ANGPTL2: variants seen among roughly 807,000 people sequenced by gnomAD.
The protein encoded by ANGPTL2 is angiopoietin like 2.
Under a neutral mutation model 52.8 loss-of-function variants are expected in ANGPTL2, and 25 were observed. That is an observed-to-expected ratio of 0.47 (90% CI 0.35 to 0.66). The LOEUF is 0.66. Among genes scored for constraint, ANGPTL2 ranks in the 30% least tolerant of loss-of-function variants. ANGPTL2 has a pLI of 0.01. For synonymous variants in ANGPTL2, 276 were observed against 277.4 expected (o/e 1.00, Z 0.05); for missense variants, 546 against 656.9 (o/e 0.83, Z 1.84).
In ANGPTL2 at chr9:127,118,750, A is replaced by G. The variant is rs115140337; in HGVS notation, c.-50+3565T>C. Among the ~76,000 whole-genome samples, 717 of 152,346 alleles carry G rather than the reference A, an allele frequency of 4.7e-3. 7 individuals are homozygous for G. The highest frequency in any genetic ancestry group is 0.016 in the African/African-American group (686 of 41,576). ...TGCTGGGCTGTGGGCTCTATGAAGCAGAGCCCCTCCCCCATCTGCCTGCTG... is the reference window on the plus strand; with the variant it reads ...TGCTGGGCTGTGGGCTCTATGAAGCGGAGCCCCTCCCCCATCTGCCTGCTG... On this transcript the variant is annotated intron_variant, in intron 1 of 4. Transcript: ENST00000373425.
At chr9:127,092,499 A>C (rs550841506) in intron 3 of ANGPTL2, among the ~76,000 whole-genome samples, 1 of 152,086 alleles carries the variant, frequency 6.6e-6, no homozygotes, top group Non-Finnish European at 1.5e-5. Flanking sequence ...AGTTACGGCC[A>C]CTAAAGTCTT....
At position 127,108,033 on chromosome 9, in the gene ANGPTL2, G is replaced by A; in HGVS notation, c.699C>T (p.Ile233=). ...TCTCGTTGGTAGAGATCTGGTTGATGATGCGGTTGTAGGTGGGTGGTTGGT... is the reference window on the plus strand; with the variant it reads ...TCTCGTTGGTAGAGATCTGGTTGATAATGCGGTTGTAGGTGGGTGGTTGGT... ...RVYQPPTYNR[I]INQISTNEIQ... Residue 233 remains isoleucine (I), a synonymous_variant, in exon 2 of 5, where the codon ATC becomes ATT. Coordinates refer to ENST00000373425, the MANE Select transcript of ANGPTL2 (RefSeq NM_012098.3). 1.9e-6 allele frequency: 3 copies of A among 1,609,738 alleles called. No individual in the cohort carries two copies. Among genetic ancestry groups the A allele is most frequent in the Admixed American group, 1.7e-5 (1 of 59,820 alleles).
chr9:127,110,427 A>G (rs1405173309), intron 1 of ANGPTL2, among the ~76,000 whole-genome samples: 2 of 152,078 alleles, frequency 1.3e-5, no homozygotes, highest in African/African-American at 2.4e-5. Context: ...TCTACTGTTG[A>G]GGGGACCCAA....
At chr9:127,111,716 A>G (rs1431992672) in intron 1 of ANGPTL2, among the ~76,000 whole-genome samples, 1 of 152,214 alleles carries the variant, frequency 6.6e-6, no homozygotes, top group Non-Finnish European at 1.5e-5. Context: ...CTTTTAAGGT[A>G]GATACTGTTG....
Position 127,108,518 on chromosome 9 carries a change from T to C in ANGPTL2, c.214A>G (p.Asn72Asp). The C allele has an allele frequency of 1.2e-6, 2 of 1,613,008 alleles. No individual in the cohort carries two copies. Among genetic ancestry groups the C allele is most frequent in the Non-Finnish European group, 1.7e-6 (2 of 1,179,732 alleles). Residue 72 changes from asparagine to aspartate, a missense_variant, in exon 2 of 5, where the codon AAC (asparagine) becomes GAC (aspartate). Asn to Asp is a conservative substitution (Grantham distance 23). Transcript: ENST00000373425. ...QQRVTGAICV[N>D]SKEPEVLLEN... Reference sequence around the variant, plus strand: ...AGAAGCACCTCAGGCTCCTTGGAGTTGACGCAGATGGCACCCGTGACCCGC... The same window carrying C: ...AGAAGCACCTCAGGCTCCTTGGAGTCGACGCAGATGGCACCCGTGACCCGC...
chr9:127,094,514 T>C (rs2052878870), intron 2 of ANGPTL2, among the ~76,000 whole-genome samples: 1 of 152,252 alleles, frequency 6.6e-6, no homozygotes, highest in Non-Finnish European at 1.5e-5. Flanking sequence ...CTGCAGCTTT[T>C]ACTAAATGAA....
intron 1 of ANGPTL2, among the ~76,000 whole-genome samples, chr9:127,116,984 C>G (rs562329731): frequency 2.8e-4 from 42 of 152,258 alleles, no homozygotes; most frequent in African/African-American, 7.7e-4. Flanking sequence ...GGTGCTCTCT[C>G]CCCTGCAGTC....
At position 127,091,287 on chromosome 9, in the gene ANGPTL2, C is replaced by T. The variant is rs1032893319; in HGVS notation, c.1282+383G>A. Among the ~76,000 whole-genome samples, 1 of 152,222 alleles carries T rather than the reference C, an allele frequency of 6.6e-6. No homozygotes were observed. The highest frequency in any genetic ancestry group is 6.5e-5 in the Admixed American group (1 of 15,280). On this transcript the variant is annotated intron_variant, in intron 4 of 4. Transcript: ENST00000373425. The surrounding 1 kb of genome is among the most constrained non-coding windows in gnomAD (Gnocchi z 4.3). ...AGGAGGTGGGGCCAGCACTGGAGCCCAGGTGTGTGGCCCAGAGCCTACGCA... is the reference window on the plus strand; with the variant it reads ...AGGAGGTGGGGCCAGCACTGGAGCCTAGGTGTGTGGCCCAGAGCCTACGCA...
chr9:127,111,943 G>T (rs1320936294), intron 1 of ANGPTL2, among the ~76,000 whole-genome samples: 3 of 152,200 alleles, frequency 2.0e-5, no homozygotes, highest in African/African-American at 7.2e-5. Context: ...ATTAATCTGT[G>T]CTAAAATAAC....
chr9:127,088,928 G>A lies in ANGPTL2; in HGVS notation c.*11C>T. On this transcript the variant is annotated 3_prime_UTR_variant, in exon 5 of 5. Transcript: ENST00000373425. ...GGCAATGGCCACGAGAGGTCAGGAGGGGGAGCTGGCTTAGTGGAAGGTGTT... is the reference window on the plus strand; with the variant it reads ...GGCAATGGCCACGAGAGGTCAGGAGAGGGAGCTGGCTTAGTGGAAGGTGTT... 2.5e-6 allele frequency: 4 copies of A among 1,614,196 alleles called. No homozygotes were observed. Among genetic ancestry groups the A allele is most frequent in the Non-Finnish European group, 3.4e-6 (4 of 1,180,030 alleles).
At chr9:127,121,414 A>G (rs2056071741) in intron 1 of ANGPTL2, among the ~76,000 whole-genome samples, 1 of 152,218 alleles carries the variant, frequency 6.6e-6, no homozygotes. Flanking sequence ...CGGCTTTGGA[A>G]GTGGCATTCT....
intron 2 of ANGPTL2, among the ~76,000 whole-genome samples, chr9:127,106,383 T>A (rs932983902): frequency 2.0e-5 from 3 of 152,230 alleles, no homozygotes; most frequent in Non-Finnish European, 4.4e-5. Context: ...GGACTGTTTA[T>A]TTCAGTCTCC....
Position 127,107,972 on chromosome 9 carries a change from G to A in ANGPTL2, c.760C>T (p.Pro254Ser), listed in dbSNP as rs1377210998. The change falls in exon 2 of 5, where the codon CCT (proline) becomes TCT (serine). Residue 254 changes from proline (P) to serine (S), a missense_variant. Physicochemically the swap from Pro to Ser is moderately conservative, Grantham distance 74. This residue lies in a region of ANGPTL2 where 261 missense variants were observed against 361.0 expected (regional missense o/e 0.72). Transcript: ENST00000373425. ...SDQNLKVLPP[P>S]LPTMPTLTSL... ...GTGAGAGTGGGCATAGTGGGCAGAGGGGGTGGCAGCACCTTCAGGTTCTGG... is the reference window on the plus strand; with the variant it reads ...GTGAGAGTGGGCATAGTGGGCAGAGAGGGTGGCAGCACCTTCAGGTTCTGG... 2 of 1,573,692 alleles carry A rather than the reference G, an allele frequency of 1.3e-6. No homozygotes were observed. The highest frequency in any genetic ancestry group is 2.3e-5 in the East Asian group (1 of 44,238).
At chr9:127,096,357 G>C (rs1433560351) in intron 2 of ANGPTL2, among the ~76,000 whole-genome samples, 1 of 152,274 alleles carries the variant, frequency 6.6e-6, no homozygotes, top group African/African-American at 2.4e-5. Flanking sequence ...CACAGGAGAG[G>C]CCGTTCGATG....
At chr9:127,093,596 T>C (rs2136485289) in intron 3 of ANGPTL2, 137 bp downstream of exon 3, 1 of 1,046,506 alleles carries the variant, frequency 9.6e-7, no homozygotes. Flanking sequence ...CTCAGGTATA[T>C]GTGTTGTTGG....
intron 2 of ANGPTL2, among the ~76,000 whole-genome samples, chr9:127,105,132 G>A (rs764369256): frequency 4.6e-5 from 7 of 152,162 alleles, no homozygotes; most frequent in Non-Finnish European, 7.3e-5. Context: ...AGCTGGCAGC[G>A]CCTTGTGTGG....
chr9:127,112,371 G>C (rs988681234), intron 1 of ANGPTL2, among the ~76,000 whole-genome samples: 1 of 152,236 alleles, frequency 6.6e-6, no homozygotes, highest in African/African-American at 2.4e-5. Context: ...GGCCTGCTGG[G>C]CCAACGCCTT....
At chr9:127,103,996 C>G (rs2053985754) in intron 2 of ANGPTL2, among the ~76,000 whole-genome samples, 1 of 152,190 alleles carries the variant, frequency 6.6e-6, no homozygotes, top group Admixed American at 6.5e-5. Context: ...CTATGAACCT[C>G]AATATCCTGC....
chr9:127,094,163 A>T (rs1416369858), intron 2 of ANGPTL2, among the ~76,000 whole-genome samples: 1 of 152,114 alleles, frequency 6.6e-6, no homozygotes, highest in Non-Finnish European at 1.5e-5. Context: ...CACCCGCCTC[A>T]CAGTTTGACT....
Sources: allele counts gnomAD v4.1 joint callset (sites outside exome capture counted in the v4.1 genomes callset), GRCh38; gene constraint gnomAD v4.1.1; regional missense constraint gnomAD v4.1.1; non-coding constraint Gnocchi (gnomAD v3.1); transcripts MANE v1.5; gene names NCBI Gene and HGNC (gene_info 2026-07-23, HGNC 2026-07-21).